Variants in AHCY observed in about 807,000 individuals in gnomAD.
AHCY encodes S-adenosyl-L-homocysteine hydrolase.
A neutral mutation model predicts 45.4 loss-of-function variants in AHCY; 24 were observed. The ratio of observed to expected loss-of-function variants is 0.53; its 90% confidence interval spans 0.38 to 0.74. The LOEUF is 0.74. Ranked by LOEUF, AHCY falls within the 30% of genes least tolerant of loss-of-function variation. The pLI, the probability that AHCY is intolerant of heterozygous loss-of-function variation, is 0.00. For missense variants in AHCY, 449 were observed against 594.1 expected (o/e 0.76, Z 2.54); for synonymous variants, 245 against 235.1 (o/e 1.04, Z -0.39).
At chr20:34,291,789 G>A (rs951472628) in intron 4 of AHCY, among the ~76,000 whole-genome samples, 6 of 152,092 alleles carry the variant, frequency 3.9e-5, no homozygotes, top group East Asian at 1.9e-4. Context: ...GCTCTAGTCC[G>A]TGACCCTGTC....
chr20:34,295,001 C>T lies in AHCY; in HGVS notation c.219+394G>A, dbSNP rs536163111. ...AGGAGAGCTGTTAATCATTGGCACA[C>T]ATGACCCAGGCTGAACCAATCAGAG... On this transcript the variant is annotated intron_variant, in intron 2 of 9. Transcript: ENST00000217426. Among the ~76,000 whole-genome samples, 6 of 152,338 alleles carry T rather than the reference C, an allele frequency of 3.9e-5. No homozygotes were observed. In the South Asian group the frequency reaches 1.2e-3, roughly 32 times the overall value.
the AHCY span, among the ~76,000 whole-genome samples, chr20:34,235,895 AAGGAAAGGAAGG>A: frequency 2.0e-4 from 16 of 80,722 alleles, 1 homozygote; most frequent in South Asian, 4.8e-4. Flanking sequence ...GGAAGGAAGG[AAGGAAAGGAAGG>A]AAGGAAGGAA....
At chr20:34,282,881 A>G (rs1189816423) in intron 9 of AHCY, among the ~76,000 whole-genome samples, 1 of 152,188 alleles carries the variant, frequency 6.6e-6, no homozygotes, top group Admixed American at 6.5e-5. Context: ...CCATGATGGC[A>G]TGGCGGCCTC....
At chr20:34,293,143 T>G (rs1200937835) in intron 3 of AHCY, among the ~76,000 whole-genome samples, 1 of 152,130 alleles carries the variant, frequency 6.6e-6, no homozygotes, top group Non-Finnish European at 1.5e-5. Flanking sequence ...ATAGAAACCC[T>G]GTGAGGCAGC....
At chr20:34,288,747 CCAGT>C (rs768777656) in intron 8 of AHCY, among the ~76,000 whole-genome samples, 71 of 152,208 alleles carry the variant, frequency 4.7e-4, no homozygotes, top group Non-Finnish European at 8.7e-4. Context: ...GAGAGATTGC[CCAGT>C]CAAAGAGGTT....
intron 8 of AHCY, among the ~76,000 whole-genome samples, chr20:34,287,574 T>C (rs967783274): frequency 3.3e-5 from 5 of 151,870 alleles, no homozygotes; most frequent in African/African-American, 4.8e-5. Flanking sequence ...GTATTTTTAG[T>C]AGAGACAGGG....
intron 1 of AHCY, among the ~76,000 whole-genome samples, chr20:34,299,943 G>T (rs1216679457): frequency 6.6e-6 from 1 of 152,210 alleles, no homozygotes; most frequent in African/African-American, 2.4e-5. Context: ...CCAGCACTTT[G>T]GGAGGCCAAG....
At chr20:34,249,630 A>G in the AHCY span, among the ~76,000 whole-genome samples, 1 of 152,124 alleles carries the variant, frequency 6.6e-6, no homozygotes, top group Non-Finnish European at 1.5e-5. Flanking sequence ...TTTTTTAACA[A>G]GGGGTCCTAC....
At chr20:34,257,012 T>C in the AHCY span, among the ~76,000 whole-genome samples, 1 of 152,128 alleles carries the variant, frequency 6.6e-6, no homozygotes, top group Non-Finnish European at 1.5e-5. Flanking sequence ...ACTTTCCTTG[T>C]TTTTTAAAGT....
chr20:34,232,454 G>A, the AHCY span, among the ~76,000 whole-genome samples: 2 of 152,192 alleles, frequency 1.3e-5, no homozygotes, highest in South Asian at 2.1e-4. Context: ...AACCAAATCC[G>A]TCCAATTTAT....
At chr20:34,258,978 G>T in the AHCY span, among the ~76,000 whole-genome samples, 9 of 145,814 alleles carry the variant, frequency 6.2e-5, no homozygotes, top group African/African-American at 2.3e-4. Context: ...TTAGGTGGGA[G>T]GATCACTTGA....
chr20:34,280,734 C>T lies in AHCY; in HGVS notation c.*300G>A. On this transcript the variant is annotated 3_prime_UTR_variant, in exon 10 of 10. Transcript: ENST00000217426. ...ACACATGGGCTTTGTGACTCCACTA[C>T]TGACTTCCAGGCTAAGGAAGGACTG... is the stretch of plus-strand genomic sequence containing the variant. The T allele has an allele frequency of 2.2e-6, 1 of 449,058 alleles. No homozygotes were observed. The highest frequency in any genetic ancestry group is 6.6e-4 in the Middle Eastern group (1 of 1,524). The allele number at this position is 449,058 out of a possible 1,614,324, so 27.8% of individuals were successfully genotyped here.
intron 9 of AHCY, among the ~76,000 whole-genome samples, chr20:34,283,947 A>C (rs1253744413): frequency 6.6e-6 from 1 of 152,242 alleles, no homozygotes; most frequent in Non-Finnish European, 1.5e-5. Flanking sequence ...CTTACCATTT[A>C]GCTCATAAGG....
At chr20:34,235,979 AGAAGGAAAGAAGGAAGGAAGGAGAAAGAG>A in the AHCY span, among the ~76,000 whole-genome samples, 2 of 127,888 alleles carry the variant, frequency 1.6e-5, no homozygotes. Context: ...GAGGGAGGGA[AGAAGGAAAGAAGGAAGGAAGGAGAAAGAG>A]AGAAAGAGAG....
chr20:34,264,937 G>A, the AHCY span, among the ~76,000 whole-genome samples: 6 of 151,570 alleles, frequency 4.0e-5, no homozygotes, highest in Non-Finnish European at 5.9e-5. Flanking sequence ...CTAGGACTAC[G>A]GGTGTGCACC....
At chr20:34,233,542 T>C in the AHCY span, among the ~76,000 whole-genome samples, 2 of 152,206 alleles carry the variant, frequency 1.3e-5, no homozygotes, top group Non-Finnish European at 2.9e-5. Flanking sequence ...GTGAATAAAC[T>C]AAAAACCTTC....
intron 1 of AHCY, chr20:34,302,944 A>C: frequency 1.0e-6 from 1 of 985,384 alleles, no homozygotes; most frequent in Non-Finnish European, 1.2e-6. Context: ...CAGCCGTCCC[A>C]GGCCGTGGCC....
rs1396612858 is a variant in AHCY, at chr20:34,290,517, C to T, written c.854+34G>A. 6.2e-7 allele frequency: 1 copy of T among 1,613,894 alleles called. No homozygotes were observed. The highest frequency in any genetic ancestry group is 1.3e-5 in the African/African-American group (1 of 75,062). On this transcript the variant is annotated intron_variant, in intron 7 of 9. Coordinates refer to ENST00000217426, the MANE Select transcript of AHCY (RefSeq NM_000687.4). This position sits in a 1 kb window ranked among gnomAD's most constrained non-coding sequence, Gnocchi z 4.5. ...AAGCTGTCCCAACTCTGCCCTCCTC[C>T]CTCACTCCCCGGGACCCCCCATCTG...
the AHCY span, among the ~76,000 whole-genome samples, chr20:34,266,151 A>C: frequency 6.6e-6 from 1 of 151,754 alleles, no homozygotes; most frequent in Admixed American, 6.6e-5. Flanking sequence ...CAGGAGATCA[A>C]GACCATCCTG....
Sources: allele counts gnomAD v4.1 joint callset (sites outside exome capture counted in the v4.1 genomes callset), GRCh38; gene constraint gnomAD v4.1.1; non-coding constraint Gnocchi (gnomAD v3.1); transcripts MANE v1.5; gene names NCBI Gene and HGNC (gene_info 2026-07-23, HGNC 2026-07-21).